Variants in WDR35 observed in about 807,000 individuals in gnomAD.
WDR35 encodes the protein WD repeat-containing protein 35.
In WDR35, 118 loss-of-function variants were observed where a neutral mutation model predicts 158.3. The observed-to-expected ratio is 0.75, with a 90% CI of 0.64 to 0.87. The LOEUF (loss-of-function observed/expected upper bound fraction) is 0.87. WDR35 is among the 40% of genes least tolerant of loss of function. The pLI is 0.00. For synonymous variants in WDR35, 448 were observed against 476.1 expected (o/e 0.94, Z 0.77); for missense variants, 1,263 against 1,405.8 (o/e 0.90, Z 1.62).
At chr2:19,979,601 T>C (rs1672319851) in intron 4 of WDR35, among the ~76,000 whole-genome samples, 1 of 152,182 alleles carries the variant, frequency 6.6e-6, no homozygotes, top group South Asian at 2.1e-4. Context: ...CTTTTTGACA[T>C]ACCAACATGG....
chr2:19,930,298 G>A, intron 25 of WDR35, 98 bp downstream of exon 25: 2 of 1,543,320 alleles, frequency 1.3e-6, no homozygotes, highest in East Asian at 4.5e-5. Context: ...AGGAAAAAAT[G>A]TTATTGAAGG....
At position 19,964,710 on chromosome 2, in the gene WDR35, A is replaced by AT. The variant is rs373063598; in HGVS notation, c.1194+2013dup. Among the ~76,000 whole-genome samples the AT allele has an allele frequency of 2.8e-4, 42 of 151,896 alleles. 1 individual carries two copies. The highest frequency in any genetic ancestry group is 9.9e-4 in the African/African-American group (41 of 41,428). The stretch of plus-strand genomic sequence containing the variant: ...CTAAGCTTCCCGGACTGGTCCTCTA[A>AT]TTTTATCTTTTCACCCCTATTTTCC... On this transcript the variant is annotated intron_variant, in intron 10 of 26. Coordinates refer to ENST00000281405, the MANE Select transcript of WDR35 (RefSeq NM_020779.4).
At chr2:19,966,998 T>C (rs1190880167) in intron 9 of WDR35, 89 bp from the exon 10 acceptor site, 26 of 1,333,058 alleles carry the variant, frequency 2.0e-5, no homozygotes, top group Non-Finnish European at 2.4e-5. Flanking sequence ...TATTTTATTT[T>C]TACTCTCAAA....
intron 15 of WDR35, 37 bp from the exon 16 acceptor site, chr2:19,946,033 T>A: frequency 6.3e-7 from 1 of 1,584,858 alleles, no homozygotes; most frequent in African/African-American, 1.3e-5. Context: ...GAAAAAACTA[T>A]AAAATTACTA....
chr2:19,916,119 G>A (rs761865759), intron 25 of WDR35, among the ~76,000 whole-genome samples: 30 of 152,100 alleles, frequency 2.0e-4, no homozygotes, highest in African/African-American at 5.1e-4. Flanking sequence ...AGGGTGGGGC[G>A]TCACCTCACC....
intron 1 of WDR35, 125 bp downstream of exon 1, chr2:19,989,867 G>T: frequency 6.7e-7 from 1 of 1,487,614 alleles, no homozygotes; most frequent in Non-Finnish European, 9.2e-7. Flanking sequence ...CGGGAAGGAT[G>T]GCTGCGGAAT....
At chr2:19,933,597 T>C in intron 21 of WDR35, 86 bp from the exon 22 acceptor site, 1 of 1,181,654 alleles carries the variant, frequency 8.5e-7, no homozygotes, top group Non-Finnish European at 1.2e-6. Flanking sequence ...TAGGGACGTA[T>C]GAGTATTAAA....
chr2:19,945,007 C>A (rs1572336334), intron 16 of WDR35, among the ~76,000 whole-genome samples: 1 of 152,104 alleles, frequency 6.6e-6, no homozygotes, highest in East Asian at 1.9e-4. Context: ...CAGAAAATTC[C>A]AAATTGAAAA....
chr2:19,971,080 T>G (rs1301688557), intron 8 of WDR35, among the ~76,000 whole-genome samples: 2 of 152,190 alleles, frequency 1.3e-5, no homozygotes, highest in African/African-American at 4.8e-5. Flanking sequence ...ATGACCAAAT[T>G]AACGAGTGAA....
intron 10 of WDR35, 126 bp from the exon 11 acceptor site, chr2:19,960,740 G>A: frequency 1.4e-6 from 1 of 712,488 alleles, no homozygotes; most frequent in Non-Finnish European, 2.4e-6. Context: ...TGATGAAACT[G>A]TTACGTGCAA....
chr2:19,940,381 A>C (rs1358895008), intron 17 of WDR35, among the ~76,000 whole-genome samples: 2 of 152,006 alleles, frequency 1.3e-5, no homozygotes, highest in Non-Finnish European at 2.9e-5. Flanking sequence ...AAAACAATAG[A>C]TATCTTTCTT....
In WDR35 at chr2:19,911,043, T is replaced by C. The variant is rs551757009; in HGVS notation, c.*2515A>G. The C allele has an allele frequency of 5.9e-5, 9 of 152,246 alleles. No individual in the cohort carries two copies. The highest frequency in any genetic ancestry group is 1.4e-4 in the African/African-American group (6 of 41,540). The allele number at this position is 152,246 out of a possible 1,614,324, so 9.4% of individuals were successfully genotyped here. ...CTGAATGAGAAATATCAACTAGATA[T>C]TGTTTAAATATCAACTAGATCCAGC... On this transcript the variant is annotated 3_prime_UTR_variant, in exon 27 of 27. Transcript: ENST00000281405.
chr2:19,949,391 A>G (rs2103420810), intron 13 of WDR35, among the ~76,000 whole-genome samples: 1 of 152,322 alleles, frequency 6.6e-6, no homozygotes, highest in African/African-American at 2.4e-5. Context: ...GATTAGATTT[A>G]TATTTTAGAA....
chr2:19,913,137 T>A lies in WDR35; in HGVS notation c.*421A>T, dbSNP rs1319818214. On this transcript the variant is annotated 3_prime_UTR_variant, in exon 27 of 27. Coordinates refer to ENST00000281405, the MANE Select transcript of WDR35 (RefSeq NM_020779.4). ...TCATTATTACAATTGTTTAACTTCC[T>A]TGTAACATGGGTTATAAAAATTCTC... 6.3e-6 allele frequency: 1 copy of A among 158,532 alleles called. No homozygotes were observed. The highest frequency in any genetic ancestry group is 2.4e-5 in the African/African-American group (1 of 41,516). 9.8% of individuals were successfully genotyped at this position (158,532 alleles called of 1,614,324 possible). A position where few individuals can be genotyped will look rare whatever the true frequency, so the allele number is the denominator to read the frequency against.
intron 11 of WDR35, among the ~76,000 whole-genome samples, chr2:19,957,264 C>A (rs1671476625): frequency 2.0e-5 from 3 of 152,126 alleles, no homozygotes; most frequent in Admixed American, 2.0e-4. Flanking sequence ...TATATAAATT[C>A]TCAGTTACTA....
At chr2:19,962,530 T>TC (rs1282618038) in intron 10 of WDR35, among the ~76,000 whole-genome samples, 2 of 152,224 alleles carry the variant, frequency 1.3e-5, no homozygotes, top group Admixed American at 6.5e-5. Context: ...AGTCTCTGTT[T>TC]CTGTATCTTG....
intron 25 of WDR35, 123 bp downstream of exon 25, chr2:19,930,273 G>T: frequency 6.9e-7 from 1 of 1,441,608 alleles, no homozygotes. Context: ...CTCAAACATA[G>T]GAAAATAAAT....
chr2:19,932,750 C>T (rs1024764219), intron 22 of WDR35, among the ~76,000 whole-genome samples: 2 of 151,992 alleles, frequency 1.3e-5, no homozygotes, highest in South Asian at 2.1e-4. Context: ...AAGAAAGATA[C>T]ACTTGTTTAT....
At chr2:19,984,034 TATATATACATATATAC>T (rs1207878695) in intron 2 of WDR35, among the ~76,000 whole-genome samples, 219 of 3,310 alleles carry the variant, frequency 0.066, 3 homozygotes, top group Admixed American at 0.13. Flanking sequence ...TATATATATA[TATATATACATATATAC>T]ACACACCCAC....
Sources: gnomAD v4.1 joint callset for allele counts (sites outside exome capture counted in the v4.1 genomes callset) on GRCh38, gnomAD v4.1.1 for gene constraint, MANE v1.5 for transcripts, NCBI Gene and HGNC (gene_info 2026-07-23, HGNC 2026-07-21) for gene names.